PRKCH: variants seen among roughly 807,000 people sequenced by gnomAD.
PRKCH encodes the protein protein kinase C eta type.
A neutral mutation model predicts 82.5 loss-of-function variants in PRKCH; 28 were observed. The observed-to-expected ratio is 0.34, with a 90% CI of 0.25 to 0.47. The LOEUF (loss-of-function observed/expected upper bound fraction) is 0.47, where lower values mean the gene tolerates loss of function less well. Among genes scored for constraint, PRKCH ranks in the 20% least tolerant of loss-of-function variants. The pLI is 1.00. For synonymous variants in PRKCH, 322 were observed against 327.4 expected, an observed-to-expected ratio of 0.98 and a Z score of 0.18; for missense variants, 705 against 881.8, an observed-to-expected ratio of 0.80 and a Z score of 2.54.
Position 61,322,432 on chromosome 14 carries a change from A to G in PRKCH, c.331A>G (p.Thr111Ala), listed in dbSNP as rs2045638916. The G allele has an allele frequency of 1.3e-6, 2 of 1,597,974 alleles. No individual in the cohort carries two copies. The highest frequency in any genetic ancestry group is 1.7e-6 in the Non-Finnish European group (2 of 1,167,082). Residue 111 changes from threonine (T) to alanine (A), a missense_variant, in exon 1 of 14, where the codon ACG becomes GCG. Physicochemically the swap from Thr to Ala is moderately conservative, Grantham distance 58. Around this residue, in one of 5 missense-constraint regions of PRKCH, gnomAD observed 246 missense variants for 308.0 expected, o/e 0.80. Transcript: ENST00000332981. ...CTLQFQELLR[T>A]TGASDTFEGW... ...CCTGCAGTTCCAGGAGCTGCTGCGCACGACCGGCGCCTCGGACACCTTCGA... is the reference window on the plus strand; with the variant it reads ...CCTGCAGTTCCAGGAGCTGCTGCGCGCGACCGGCGCCTCGGACACCTTCGA...
chr14:61,478,435 C>T (rs1418006977), intron 9 of PRKCH, among the ~76,000 whole-genome samples: 1 of 152,068 alleles, frequency 6.6e-6, no homozygotes. Flanking sequence ...GTACCAATAG[C>T]TTCTATTGAT....
chr14:61,402,256 G>A (rs539650813), intron 2 of PRKCH, among the ~76,000 whole-genome samples: 2 of 152,180 alleles, frequency 1.3e-5, no homozygotes, highest in African/African-American at 2.4e-5. Flanking sequence ...TCTTGAAAGC[G>A]TAAGGTAGAC....
At chr14:61,445,565 T>G in intron 3 of PRKCH, 127 bp from the exon 4 acceptor site, 1 of 842,296 alleles carries the variant, frequency 1.2e-6, no homozygotes, top group Non-Finnish European at 2.0e-6. Flanking sequence ...AAGCACATGA[T>G]CTTTGCTTCT....
At chr14:61,502,280 C>T (rs1303495408) in intron 10 of PRKCH, among the ~76,000 whole-genome samples, 1 of 151,880 alleles carries the variant, frequency 6.6e-6, no homozygotes, top group African/African-American at 2.4e-5. Context: ...CCAGGCTGGT[C>T]GCAAACTCCT....
chr14:61,210,021 G>A (rs1172677760), intron 1 of PRKCH, among the ~76,000 whole-genome samples: 2 of 150,132 alleles, frequency 1.3e-5, no homozygotes, highest in South Asian at 2.1e-4. Context: ...GGTGGATCAC[G>A]AGGTCAGGAG....
chr14:61,445,580 T>C (rs1380890469), intron 3 of PRKCH, 112 bp from the exon 4 acceptor site: 4 of 958,314 alleles, frequency 4.2e-6, no homozygotes, highest in Non-Finnish European at 6.7e-6. Context: ...GCTTCTTCCC[T>C]GAAATTGTGT....
chr14:61,339,762 A>G (rs2045908756), intron 1 of PRKCH, among the ~76,000 whole-genome samples: 1 of 139,980 alleles, frequency 7.1e-6, no homozygotes, highest in African/African-American at 2.9e-5. Flanking sequence ...GCTCACTGCT[A>G]CCTTAACTCC....
chr14:61,305,854 AT>A (rs1215828378), intron 1 of PRKCH: 2 of 152,114 alleles, frequency 1.3e-5, no homozygotes, highest in East Asian at 3.8e-4. Flanking sequence ...TCTTATTTTG[AT>A]TATGAGTCAC....
At chr14:61,306,047 T>G (rs1290787037) in intron 1 of PRKCH, 1 of 152,222 alleles carries the variant, frequency 6.6e-6, no homozygotes, top group Non-Finnish European at 1.5e-5. Context: ...TGTTATGTAT[T>G]ATTATTATTT....
Position 61,251,836 on chromosome 14 carries a change from T to TA in PRKCH, c.-19+64168_-19+64169insA, listed in dbSNP as rs113026361. 3.8e-3 allele frequency among the ~76,000 whole-genome samples: 552 copies of TA among 145,854 alleles called. 1 individual carries two copies. Among genetic ancestry groups the TA allele is most frequent in the African/African-American group, 0.013 (497 of 39,394 alleles). ...TCCCAACAAAACTGTATAAGGGTCT[T>TA]TTTTTTTTTTTTATTTGTTTTGAGA... On this transcript the variant is annotated intron_variant, in intron 1 of 3. Transcript: ENST00000555185.
At chr14:61,491,748 G>A (rs1443923182) in intron 10 of PRKCH, among the ~76,000 whole-genome samples, 6 of 152,186 alleles carry the variant, frequency 3.9e-5, no homozygotes, top group Non-Finnish European at 8.8e-5. Flanking sequence ...CATGGCCTCT[G>A]GAGATCTTTT....
intron 1 of PRKCH, among the ~76,000 whole-genome samples, chr14:61,377,040 T>C (rs1176156163): frequency 3.3e-5 from 5 of 152,192 alleles, no homozygotes; most frequent in African/African-American, 1.2e-4. Context: ...TCCAACAGAA[T>C]TGCTAATGAT....
chr14:61,462,364 T>C (rs549292981), intron 9 of PRKCH, among the ~76,000 whole-genome samples: 2 of 152,182 alleles, frequency 1.3e-5, no homozygotes, highest in African/African-American at 4.8e-5. Flanking sequence ...CACTCCAACC[T>C]GGGTGACAGA....
chr14:61,476,799 C>T (rs908967305), intron 9 of PRKCH, among the ~76,000 whole-genome samples: 1 of 152,116 alleles, frequency 6.6e-6, no homozygotes, highest in African/African-American at 2.4e-5. Context: ...GTGGGCTTGA[C>T]ACAGGGGTTG....
intron 10 of PRKCH, among the ~76,000 whole-genome samples, chr14:61,500,070 C>T (rs1339817751): frequency 2.7e-5 from 4 of 150,410 alleles, no homozygotes; most frequent in Non-Finnish European, 5.9e-5. Context: ...TGTTATTAGG[C>T]ATTCTAGATA....
At chr14:61,356,554 T>C (rs559677245) in intron 1 of PRKCH, among the ~76,000 whole-genome samples, 2 of 152,344 alleles carry the variant, frequency 1.3e-5, no homozygotes, top group East Asian at 3.9e-4. Context: ...CTCAGTTTAT[T>C]GGCTTAAGTA....
At chr14:61,287,509 G>C (rs898786902) in intron 1 of PRKCH, among the ~76,000 whole-genome samples, 1 of 152,068 alleles carries the variant, frequency 6.6e-6, no homozygotes, top group African/African-American at 2.4e-5. Flanking sequence ...CCAGGAGTTT[G>C]AGACCAGCCT....
At chr14:61,276,448 C>T (rs2045203018) in intron 1 of PRKCH, among the ~76,000 whole-genome samples, 2 of 151,816 alleles carry the variant, frequency 1.3e-5, no homozygotes, top group Admixed American at 1.3e-4. Flanking sequence ...CTCTGCCTCC[C>T]AGGTTCAAGC....
At chr14:61,365,548 C>A (rs547012392) in intron 1 of PRKCH, among the ~76,000 whole-genome samples, 1 of 152,116 alleles carries the variant, frequency 6.6e-6, no homozygotes, top group East Asian at 1.9e-4. Context: ...TTAGCAAGAA[C>A]TTAAATCTAA....
Sources: allele counts gnomAD v4.1 joint callset (sites outside exome capture counted in the v4.1 genomes callset), GRCh38; gene constraint gnomAD v4.1.1; regional missense constraint gnomAD v4.1.1; transcripts MANE v1.5; gene names NCBI Gene and HGNC (gene_info 2026-07-23, HGNC 2026-07-21).